TMEM192: variants seen among roughly 807,000 people sequenced by gnomAD.
TMEM192 encodes the protein transmembrane protein 192.
In TMEM192, 20 loss-of-function variants were observed where a neutral mutation model predicts 26.7. The ratio of observed to expected loss-of-function variants is 0.75; its 90% CI spans 0.53 to 1.09. The LOEUF is 1.09. Ranked by LOEUF, TMEM192 falls within the 50% of genes least tolerant of loss-of-function variation. The probability of loss-of-function intolerance (pLI) is 0.00; values close to 1 mark genes in which losing one functional copy is unlikely to be tolerated. For synonymous variants in TMEM192, 124 were observed against 121.0 expected (o/e 1.02, Z -0.16); for missense variants, 304 against 322.6 (o/e 0.94, Z 0.44).
intron 3 of TMEM192, among the ~76,000 whole-genome samples, chr4:165,097,026 G>C (rs1734923844): frequency 6.6e-6 from 1 of 151,866 alleles, no homozygotes; most frequent in Non-Finnish European, 1.5e-5. Context: ...CACATCAACA[G>C]TTGAACATTC....
chr4:165,102,811 C>T, intron 2 of TMEM192, 139 bp downstream of exon 2: 1 of 421,634 alleles, frequency 2.4e-6, no homozygotes. Flanking sequence ...TTGCCCATGA[C>T]ACAGCACTCA....
At position 165,078,737 on chromosome 4, in the gene TMEM192, G is replaced by C. The variant is rs949131423; in HGVS notation, c.*921C>G. ...GGCAACACAGGTTCGTCTAACACAG[G>C]TCGGTCTAACACTGGTCCAAGTAAT... On this transcript the variant is annotated 3_prime_UTR_variant, in exon 6 of 6. Coordinates refer to ENST00000306480, the MANE Select transcript of TMEM192 (RefSeq NM_001100389.2). 6.6e-6 allele frequency: 1 copy of C among 152,202 alleles called. No individual in the cohort carries two copies. Among genetic ancestry groups the C allele is most frequent in the Non-Finnish European group, 1.5e-5 (1 of 68,030 alleles). 9.4% of individuals were successfully genotyped at this position (152,202 alleles called of 1,614,324 possible).
At chr4:165,112,034 A>G (rs1735303115) in intron 1 of TMEM192, among the ~76,000 whole-genome samples, 2 of 152,212 alleles carry the variant, frequency 1.3e-5, no homozygotes, top group African/African-American at 4.8e-5. Flanking sequence ...TAATTATGCT[A>G]CCATTCTGTA....
intron 5 of TMEM192, among the ~76,000 whole-genome samples, chr4:165,083,935 C>A (rs955756191): frequency 6.8e-6 from 1 of 146,312 alleles, no homozygotes; most frequent in African/African-American, 2.5e-5. Context: ...GATTCTCCTG[C>A]CTCAGCCTCC....
intron 3 of TMEM192, among the ~76,000 whole-genome samples, chr4:165,091,425 T>C (rs762460187): frequency 1.3e-5 from 2 of 152,148 alleles, no homozygotes; most frequent in East Asian, 1.9e-4. Flanking sequence ...GGTGCTATAA[T>C]TGGATTATGT....
intron 5 of TMEM192, 118 bp from the exon 6 acceptor site, chr4:165,079,914 G>C: frequency 6.7e-6 from 6 of 894,840 alleles, no homozygotes; most frequent in Non-Finnish European, 9.3e-6. Context: ...CCTTTTCTTA[G>C]ATGTCAGAAG....
In TMEM192 at chr4:165,071,748, G is replaced by A. The variant is rs1734275819; in HGVS notation, c.*7910C>T. ...CGCAGGGTACACAAAGGAAGAGTAG[G>A]AGAGAGGAGGTGGGGTGGGGTGGGA... is the stretch of plus-strand genomic sequence containing the variant. On this transcript the variant is annotated 3_prime_UTR_variant, in exon 6 of 6. Coordinates refer to ENST00000306480, the MANE Select transcript of TMEM192 (RefSeq NM_001100389.2). 1 of 152,098 alleles carries A rather than the reference G, an allele frequency of 6.6e-6. No individual in the cohort carries two copies. The highest frequency in any genetic ancestry group is 1.5e-5 in the Non-Finnish European group (1 of 68,116). The allele number at this position is 152,098 out of a possible 1,614,324, so 9.4% of individuals were successfully genotyped here. A position where few individuals can be genotyped will look rare whatever the true frequency, so the allele number is the denominator to read the frequency against.
chr4:165,092,112 CTTTTTTTTTT>C (rs35641833), intron 3 of TMEM192, among the ~76,000 whole-genome samples: 25 of 72,076 alleles, frequency 3.5e-4, no homozygotes, highest in African/African-American at 1.3e-3. Flanking sequence ...TAATGCTGTT[CTTTTTTTTTT>C]TTTTTTTTTT....
intron 5 of TMEM192, among the ~76,000 whole-genome samples, chr4:165,080,818 G>A (rs936683073): frequency 1.6e-4 from 25 of 152,082 alleles, no homozygotes; most frequent in Non-Finnish European, 2.5e-4. Context: ...GGGTTTAAGC[G>A]ATTCTCCTGC....
At chr4:165,090,257 C>T (rs1734728342) in intron 3 of TMEM192, among the ~76,000 whole-genome samples, 1 of 149,798 alleles carries the variant, frequency 6.7e-6, no homozygotes, top group Non-Finnish European at 1.5e-5. Context: ...GCAGGACACG[C>T]CTGTAGTCCC....
chr4:165,106,902 T>C (rs990407002), intron 1 of TMEM192, among the ~76,000 whole-genome samples: 4 of 152,204 alleles, frequency 2.6e-5, no homozygotes, highest in African/African-American at 9.6e-5. Context: ...ACATATATCC[T>C]ATTGGTTCTG....
chr4:165,100,626 A>T lies in TMEM192; in HGVS notation c.439+2T>A. 1 of 1,613,498 alleles carries T rather than the reference A, an allele frequency of 6.2e-7. No individual in the cohort carries two copies. Among genetic ancestry groups the T allele is most frequent in the Non-Finnish European group, 8.5e-7 (1 of 1,179,750 alleles). ...AAGTAGCTGAGAGAAAATTGGACAT[A>T]CCAGAGGACTGTATCATCAACGCAA... On this transcript the variant is annotated splice_donor_variant, in intron 3 of 5. Transcript: ENST00000306480. LOFTEE classifies it high-confidence loss of function.
At chr4:165,081,680 C>A (rs1734526077) in intron 5 of TMEM192, among the ~76,000 whole-genome samples, 1 of 36,806 alleles carries the variant, frequency 2.7e-5, no homozygotes, top group African/African-American at 4.9e-5. Context: ...CGTGAGCCAC[C>A]GTGTCCGGCA....
Position 165,112,850 on chromosome 4 carries a change from C to G in TMEM192, c.-77G>C. 2.6e-6 allele frequency: 4 copies of G among 1,557,856 alleles called. No individual in the cohort carries two copies. The highest frequency in any genetic ancestry group is 2.6e-6 in the Non-Finnish European group (3 of 1,156,994). ...CCTGTAAGCCTCTGGCCGCGAAACT[C>G]GCCACCTTCTGGGACCTGCCAGGCC... On this transcript the variant is annotated 5_prime_UTR_variant, in exon 1 of 6. Transcript: ENST00000306480.
chr4:165,079,721 C>A lies in TMEM192; in HGVS notation c.753G>T (p.Leu251=), dbSNP rs1451694115. The A allele has an allele frequency of 1.2e-6, 2 of 1,614,100 alleles. No individual in the cohort carries two copies. The highest frequency in any genetic ancestry group is 2.2e-5 in the East Asian group (1 of 44,880). The part of the protein sequence containing the change: ...TIEYLKRHNA[L]LSKRLLALTS... Reference sequence around the variant, plus strand: ...TGAGAGCCAACAATCGCTTACTCAGCAGCGCATTGTGTCGCTTCAGGTATT... The same window carrying A: ...TGAGAGCCAACAATCGCTTACTCAGAAGCGCATTGTGTCGCTTCAGGTATT... The change falls in exon 6 of 6, where the codon CTG becomes CTT. Residue 251 remains leucine (L), a synonymous_variant. Transcript: ENST00000306480.
intron 3 of TMEM192, among the ~76,000 whole-genome samples, chr4:165,099,552 T>C (rs1008111030): frequency 1.3e-5 from 2 of 152,174 alleles, no homozygotes; most frequent in Non-Finnish European, 2.9e-5. Flanking sequence ...GTTTTCCAAG[T>C]TTTCTGTTTG....
At chr4:165,109,114 A>T (rs1420553142) in intron 1 of TMEM192, among the ~76,000 whole-genome samples, 1 of 152,070 alleles carries the variant, frequency 6.6e-6, no homozygotes, top group Non-Finnish European at 1.5e-5. Flanking sequence ...GTTGGCTGGG[A>T]ATGGAAGTCC....
chr4:165,097,493 C>CAAA lies in TMEM192; in HGVS notation c.439+3132_439+3134dup, dbSNP rs60822491. On this transcript the variant is annotated intron_variant, in intron 3 of 5. Coordinates refer to ENST00000306480, the MANE Select transcript of TMEM192 (RefSeq NM_001100389.2). Reference sequence around the variant, plus strand: ...TGGGTGACAGAGCGAGACTCCATCTCAAAAAAAAAAAAAAAAAGAAAAAAG... The same window carrying CAAA: ...TGGGTGACAGAGCGAGACTCCATCTCAAAAAAAAAAAAAAAAAAAAGAAAAAAG... Among the ~76,000 whole-genome samples the CAAA allele has an allele frequency of 4.3e-3, 254 of 58,800 alleles. 4 individuals carry two copies. Among genetic ancestry groups the CAAA allele is most frequent in the Middle Eastern group, 0.011 (1 of 94 alleles). 38.6% of individuals were successfully genotyped at this position (58,800 alleles called of 152,430 possible). A position where few individuals can be genotyped will look rare whatever the true frequency, so the allele number is the denominator to read the frequency against.
At chr4:165,089,267 G>A (rs970028566) in intron 3 of TMEM192, among the ~76,000 whole-genome samples, 1 of 151,918 alleles carries the variant, frequency 6.6e-6, no homozygotes, top group African/African-American at 2.4e-5. Flanking sequence ...CTGCCATATA[G>A]GGCAGGACCC....
Sources: gnomAD v4.1 joint callset for allele counts (sites outside exome capture counted in the v4.1 genomes callset) on GRCh38, gnomAD v4.1.1 for gene constraint, MANE v1.5 for transcripts, NCBI Gene and HGNC (gene_info 2026-07-23, HGNC 2026-07-21) for gene names.